Variants in PLAG1 observed in about 807,000 individuals in gnomAD.
PLAG1 encodes the protein zinc finger protein PLAG1.
In PLAG1, 7 loss-of-function variants were observed where a neutral mutation model predicts 35.5. The observed-to-expected ratio is 0.20, with a 90% confidence interval of 0.11 to 0.37. The LOEUF (loss-of-function observed/expected upper bound fraction) is 0.37. PLAG1 is among the 10% of genes least tolerant of loss of function. The pLI is 1.00. For synonymous variants in PLAG1, 229 were observed against 225.4 expected, an observed-to-expected ratio of 1.02 and a Z score of -0.14; for missense variants, 454 against 602.8, an observed-to-expected ratio of 0.75 and a Z score of 2.58.
chr8:56,167,903 T>C lies in PLAG1; in HGVS notation c.242+125A>G. The C allele has an allele frequency of 1.7e-6, 1 of 589,376 alleles. No individual in the cohort carries two copies. The highest frequency in any genetic ancestry group is 3.0e-6 in the Non-Finnish European group (1 of 333,418). 36.5% of individuals were successfully genotyped at this position (589,376 alleles called of 1,614,324 possible). Reference sequence around the variant, plus strand: ...TACTAAAAACTAAACCAATGTCTAATCTACTTAACATTTCCTCTTTGCAAA... The same window carrying C: ...TACTAAAAACTAAACCAATGTCTAACCTACTTAACATTTCCTCTTTGCAAA... On this transcript the variant is annotated intron_variant, in intron 4 of 4. Transcript: ENST00000316981. The surrounding 1 kb of genome is among the most constrained non-coding windows in gnomAD (Gnocchi z 5.9).
chr8:56,166,281 T>C lies in PLAG1; in HGVS notation c.1465A>G (p.Ser489Gly). ...TGATGGAAACGTGGGAGGGTGGTAC[T>C]TGTGCTTAAACTGCTGGTGAAAGCT... ...SAAFTSSLST[S>G]TTLPRFHQAF... The change falls in exon 5 of 5, where the codon AGT becomes GGT. Residue 489 changes from serine (S) to glycine (G), a missense_variant. Ser to Gly is a moderately conservative substitution (Grantham distance 56). Coordinates refer to ENST00000316981, the MANE Select transcript of PLAG1 (RefSeq NM_002655.3). 6.2e-7 allele frequency: 1 copy of C among 1,607,504 alleles called. No homozygotes were observed. The highest frequency in any genetic ancestry group is 8.5e-7 in the Non-Finnish European group (1 of 1,177,368).
At position 56,189,672 on chromosome 8, in the gene PLAG1, G is replaced by C. The variant is rs186841791; in HGVS notation, c.-321-10159C>G. Among the ~76,000 whole-genome samples the C allele has an allele frequency of 3.2e-4, 49 of 152,322 alleles. 1 individual carries two copies. Among genetic ancestry groups the C allele is most frequent in the Middle Eastern group, 6.8e-3 (2 of 294 alleles). ...ACAAGGTAAGTATAGATTAGGTACAGTGGGAATTCACAGAAAGAAAAGATC... is the reference window on the plus strand; with the variant it reads ...ACAAGGTAAGTATAGATTAGGTACACTGGGAATTCACAGAAAGAAAAGATC... On this transcript the variant is annotated intron_variant, in intron 1 of 4. Transcript: ENST00000316981.
In PLAG1 at chr8:56,164,805, T is replaced by G; in HGVS notation, c.*1438A>C. ...TATAATATATTCTCAATTGTTATTT[T>G]CATGTTAACCAAGATAGGTTTGTTT... On this transcript the variant is annotated 3_prime_UTR_variant, in exon 5 of 5. Transcript: ENST00000316981. 4.7e-6 allele frequency: 1 copy of G among 211,484 alleles called. No homozygotes were observed. Among genetic ancestry groups the G allele is most frequent in the East Asian group, 7.1e-5 (1 of 13,992 alleles). The allele number at this position is 211,484 out of a possible 1,614,324, so 13.1% of individuals were successfully genotyped here.
In PLAG1 at chr8:56,167,371, T is replaced by G; in HGVS notation, c.375A>C (p.Glu125Asp). The G allele has an allele frequency of 6.2e-7, 1 of 1,614,056 alleles. No homozygotes were observed. Among genetic ancestry groups the G allele is most frequent in the Non-Finnish European group, 8.5e-7 (1 of 1,179,964 alleles). ...GCTTGGTATTGTAGTTCTTGCCACA[T>G]TCTTCGCACTTAAACGTCTCTTTGT... ...DPNKETFKCE[E>D]CGKNYNTKLG... The change falls in exon 5 of 5, where the codon GAA (glutamate) becomes GAC (aspartate). Residue 125 changes from glutamate to aspartate, a missense_variant. By Grantham distance (45) the Glu-to-Asp change is conservative (BLOSUM62 2). This residue lies in a region of PLAG1 where 170 missense variants were observed against 226.3 expected (regional missense o/e 0.75). Coordinates refer to ENST00000316981, the MANE Select transcript of PLAG1 (RefSeq NM_002655.3). This position sits in a 1 kb window ranked among gnomAD's most constrained non-coding sequence, Gnocchi z 5.9.
At chr8:56,170,774 C>T (rs182637788) in intron 3 of PLAG1, among the ~76,000 whole-genome samples, 2 of 152,176 alleles carry the variant, frequency 1.3e-5, no homozygotes, top group Admixed American at 6.5e-5. Context: ...TTGATTGTTA[C>T]TAAAATTGGT....
At chr8:56,170,011 G>A (rs775105974) in intron 3 of PLAG1, among the ~76,000 whole-genome samples, 1 of 152,134 alleles carries the variant, frequency 6.6e-6, no homozygotes, top group African/African-American at 2.4e-5. Flanking sequence ...TTATACTTTC[G>A]CAGGAGCTCT....
chr8:56,197,248 G>A (rs1812406817), intron 1 of PLAG1, among the ~76,000 whole-genome samples: 2 of 152,100 alleles, frequency 1.3e-5, no homozygotes, highest in African/African-American at 2.4e-5. Context: ...CACATCCGGG[G>A]CTGTGTGTCT....
Position 56,164,896 on chromosome 8 carries a change from G to C in PLAG1, c.*1347C>G, listed in dbSNP as rs946284043. ...AATACTCCTATCATTTCCCAGAGATGCATGAAAGTGGGATTTTACTGTATA... is the reference window on the plus strand; with the variant it reads ...AATACTCCTATCATTTCCCAGAGATCCATGAAAGTGGGATTTTACTGTATA... On this transcript the variant is annotated 3_prime_UTR_variant, in exon 5 of 5. Transcript: ENST00000316981. The C allele has an allele frequency of 2.9e-5, 6 of 209,656 alleles. No homozygotes were observed. Among genetic ancestry groups the C allele is most frequent in the African/African-American group, 1.4e-4 (6 of 44,058 alleles). 13.0% of individuals were successfully genotyped at this position (209,656 alleles called of 1,614,324 possible). A position where few individuals can be genotyped will look rare whatever the true frequency, so the allele number is the denominator to read the frequency against.
intron 1 of PLAG1, among the ~76,000 whole-genome samples, chr8:56,205,958 T>G (rs914796991): frequency 2.0e-5 from 3 of 152,052 alleles, no homozygotes; most frequent in Non-Finnish European, 2.9e-5. Context: ...TAACTCTGTT[T>G]ATAAGACATC....
At chr8:56,187,851 T>C (rs112344579) in intron 1 of PLAG1, among the ~76,000 whole-genome samples, 1 of 152,198 alleles carries the variant, frequency 6.6e-6, no homozygotes, top group African/African-American at 2.4e-5. Flanking sequence ...TTAAATTTTA[T>C]GGTGGCCATG....
Position 56,166,752 on chromosome 8 carries a change from A to G in PLAG1, c.994T>C (p.Phe332Leu), listed in dbSNP as rs1463989584. The change falls in exon 5 of 5, where the codon TTC becomes CTC. Residue 332 changes from phenylalanine to leucine, a missense_variant. Coordinates refer to ENST00000316981, the MANE Select transcript of PLAG1 (RefSeq NM_002655.3). ...GAGGTAGAACTGAACGGATATTTGA[A>G]AGAAAGGTGGTGAGAGGGATGAACA... is the stretch of plus-strand genomic sequence containing the variant. Reference protein sequence around the residue: ...DTVHPSHHLSFKYPFSSTSYA... With the variant: ...DTVHPSHHLSLKYPFSSTSYA... 1 of 1,613,994 alleles carries G rather than the reference A, an allele frequency of 6.2e-7. No individual in the cohort carries two copies. The highest frequency in any genetic ancestry group is 1.3e-5 in the African/African-American group (1 of 74,910).
rs181950821 is a variant in PLAG1 at position 56,180,752 on chromosome 8, G to A, written c.-321-1239C>T. 5.1e-3 allele frequency among the ~76,000 whole-genome samples: 779 copies of A among 152,160 alleles called. 7 individuals carry two copies. The highest frequency in any genetic ancestry group is 0.024 in the Middle Eastern group (7 of 294). On this transcript the variant is annotated intron_variant, in intron 1 of 4. Transcript: ENST00000316981. The stretch of plus-strand genomic sequence containing the variant: ...CTTTCCCCATTGCTTATTTTTGTCA[G>A]GTTTATCAAAGAGTGAACAGGCAAC...
chr8:56,165,304 T>C lies in PLAG1; in HGVS notation c.*939A>G, dbSNP rs1811321944. On this transcript the variant is annotated 3_prime_UTR_variant, in exon 5 of 5. Coordinates refer to ENST00000316981, the MANE Select transcript of PLAG1 (RefSeq NM_002655.3). ...TCCACTGTGGGATAAACACACCTCA[T>C]GGCTGCAGTTCCACAATGGCTCTAG... 1 of 213,124 alleles carries C rather than the reference T, an allele frequency of 4.7e-6. No homozygotes were observed. The highest frequency in any genetic ancestry group is 5.9e-5 in the Admixed American group (1 of 17,068). 13.2% of individuals were successfully genotyped at this position (213,124 alleles called of 1,614,324 possible).
chr8:56,171,680 A>G (rs959234168), intron 2 of PLAG1, among the ~76,000 whole-genome samples: 1 of 152,164 alleles, frequency 6.6e-6, no homozygotes, highest in Non-Finnish European at 1.5e-5. Context: ...TCAGAGCTAC[A>G]CTTTTGCTAT....
At chr8:56,202,852 G>A (rs1292272546) in intron 1 of PLAG1, among the ~76,000 whole-genome samples, 1 of 152,110 alleles carries the variant, frequency 6.6e-6, no homozygotes, top group Non-Finnish European at 1.5e-5. Context: ...ATAACTGTCT[G>A]TCACCAATCT....
chr8:56,178,423 C>T (rs1404318475), intron 2 of PLAG1, among the ~76,000 whole-genome samples: 1 of 151,862 alleles, frequency 6.6e-6, no homozygotes, highest in South Asian at 2.1e-4. Context: ...ATTTTTATAG[C>T]ATATAGATAG....
intron 1 of PLAG1, among the ~76,000 whole-genome samples, chr8:56,203,505 C>T (rs956354306): frequency 6.6e-6 from 1 of 151,956 alleles, no homozygotes; most frequent in Non-Finnish European, 1.5e-5. Context: ...AAAGCTAGAC[C>T]TGATAGATGT....
chr8:56,172,478 C>G (rs559726969), intron 2 of PLAG1, among the ~76,000 whole-genome samples: 1 of 152,264 alleles, frequency 6.6e-6, no homozygotes, highest in South Asian at 2.1e-4. Context: ...TTGCCCAGGG[C>G]ACATACTGAG....
intron 2 of PLAG1, among the ~76,000 whole-genome samples, chr8:56,174,101 C>T (rs1811620172): frequency 1.3e-5 from 2 of 152,114 alleles, no homozygotes; most frequent in Admixed American, 1.3e-4. Context: ...TAATTAAGGG[C>T]AAATACCATC....
Sources: allele counts gnomAD v4.1 joint callset (sites outside exome capture counted in the v4.1 genomes callset), GRCh38; gene constraint gnomAD v4.1.1; regional missense constraint gnomAD v4.1.1; non-coding constraint Gnocchi (gnomAD v3.1); transcripts MANE v1.5; gene names NCBI Gene and HGNC (gene_info 2026-07-23, HGNC 2026-07-21).